EFR3A: variants seen among roughly 807,000 people sequenced by gnomAD.
The protein encoded by EFR3A is EFR3 homolog A.
Under a neutral mutation model 104.4 loss-of-function variants are expected in EFR3A, and 76 were observed. The ratio of observed to expected loss-of-function variants is 0.73; its 90% CI spans 0.60 to 0.88. The LOEUF (loss-of-function observed/expected upper bound fraction) is 0.88, where lower values mean the gene tolerates loss of function less well. Among genes scored for constraint, EFR3A ranks in the 40% least tolerant of loss-of-function variants. The pLI is 0.00. For synonymous variants in EFR3A, 330 were observed against 330.0 expected, an observed-to-expected ratio of 1.00 and a Z score of 0.00; for missense variants, 985 against 1,012.5, an observed-to-expected ratio of 0.97 and a Z score of 0.37.
At chr8:131,989,138 T>C (rs1325183303) in intron 18 of EFR3A, among the ~76,000 whole-genome samples, 1 of 152,216 alleles carries the variant, frequency 6.6e-6, no homozygotes, top group Non-Finnish European at 1.5e-5. Flanking sequence ...TAGATTTTTC[T>C]GATTTGTGAA....
intron 1 of EFR3A, among the ~76,000 whole-genome samples, chr8:131,935,885 C>G (rs1287425812): frequency 2.0e-5 from 3 of 151,034 alleles, no homozygotes; most frequent in Non-Finnish European, 4.4e-5. Flanking sequence ...TTTAATGATC[C>G]AAGTCCCCAA....
intron 4 of EFR3A, among the ~76,000 whole-genome samples, chr8:131,947,610 A>G (rs1353429749): frequency 1.3e-4 from 20 of 151,808 alleles, no homozygotes; most frequent in African/African-American, 4.8e-4. Context: ...TTCATATCTA[A>G]GAAACTATTG....
chr8:132,010,955 G>T lies in EFR3A; in HGVS notation c.*60G>T. Reference sequence around the variant, plus strand: ...AGCCTAAAAATTAAGGCCAAGCTGAGCTTTCAGGGTTTACTTAATGTGTAT... The same window carrying T: ...AGCCTAAAAATTAAGGCCAAGCTGATCTTTCAGGGTTTACTTAATGTGTAT... On this transcript the variant is annotated 3_prime_UTR_variant, in exon 23 of 23. Coordinates refer to ENST00000254624, the MANE Select transcript of EFR3A (RefSeq NM_015137.6). 1 of 1,497,442 alleles carries T rather than the reference G, an allele frequency of 6.7e-7. No individual in the cohort carries two copies. 92.8% of individuals were successfully genotyped at this position (1,497,442 alleles called of 1,614,324 possible). A position where few individuals can be genotyped will look rare whatever the true frequency, so the allele number is the denominator to read the frequency against.
At chr8:131,964,431 GACAA>G (rs752039819) in intron 8 of EFR3A, among the ~76,000 whole-genome samples, 3 of 151,666 alleles carry the variant, frequency 2.0e-5, no homozygotes, top group Non-Finnish European at 2.9e-5. Flanking sequence ...ACCAATAACA[GACAA>G]ACAGAGAGCC....
Position 131,955,770 on chromosome 8 carries a change from G to A in EFR3A, c.641G>A (p.Arg214His), listed in dbSNP as rs146871009. 1.1e-4 allele frequency: 180 copies of A among 1,609,034 alleles called. No homozygotes were observed. In the Admixed American group the frequency reaches 2.7e-3, roughly 24 times the overall value. ...CTTTATTTCTCGTTCCTTTTTAGTCGCATAGGCCCTCCTTCTTCTCCTTCT... is the reference window on the plus strand; with the variant it reads ...CTTTATTTCTCGTTCCTTTTTAGTCACATAGGCCCTCCTTCTTCTCCTTCT... Reference protein sequence around the residue: ...NMQKIEEVDSRIGPPSSPSAT... With the variant: ...NMQKIEEVDSHIGPPSSPSAT... The change falls in exon 7 of 23, where the codon CGC (arginine) becomes CAC (histidine). Residue 214 changes from arginine (R) to histidine (H), a missense_variant and splice_region_variant. Physicochemically the swap from Arg to His is conservative, Grantham distance 29. Transcript: ENST00000254624.
intron 4 of EFR3A, among the ~76,000 whole-genome samples, chr8:131,948,130 A>T (rs1436039592): frequency 6.6e-6 from 1 of 152,102 alleles, no homozygotes; most frequent in Admixed American, 6.6e-5. Context: ...TTAATAAAAA[A>T]AATCATATAT....
chr8:131,973,141 C>T (rs1820159800), intron 10 of EFR3A, among the ~76,000 whole-genome samples: 1 of 150,600 alleles, frequency 6.6e-6, no homozygotes, highest in Non-Finnish European at 1.5e-5. Context: ...ACAAAGTAGG[C>T]ACTTAAGATT....
chr8:132,000,351 A>G (rs1821727523), intron 19 of EFR3A, among the ~76,000 whole-genome samples: 1 of 152,034 alleles, frequency 6.6e-6, no homozygotes, highest in East Asian at 1.9e-4. Context: ...GATGGTCTCG[A>G]TCTCCTGACC....
At chr8:131,982,237 C>G (rs1253691126) in intron 14 of EFR3A, among the ~76,000 whole-genome samples, 1 of 151,858 alleles carries the variant, frequency 6.6e-6, no homozygotes, top group Non-Finnish European at 1.5e-5. Flanking sequence ...TTTAGTTTTG[C>G]CAGTTTTTGT....
At chr8:131,958,578 G>A (rs771550626) in intron 7 of EFR3A, among the ~76,000 whole-genome samples, 1 of 95,286 alleles carries the variant, frequency 1.0e-5, no homozygotes, top group African/African-American at 4.4e-5. Context: ...ATTCAAGAGG[G>A]ATTTCAGGTC....
intron 16 of EFR3A, 84 bp downstream of exon 16, chr8:131,985,144 G>A (rs1270950165): frequency 1.5e-6 from 2 of 1,341,058 alleles, no homozygotes; most frequent in Non-Finnish European, 2.1e-6. Flanking sequence ...TTTAACTTTG[G>A]TGATTACGTA....
intron 4 of EFR3A, among the ~76,000 whole-genome samples, chr8:131,946,933 GTTTCA>G (rs1233491321): frequency 3.3e-5 from 5 of 152,034 alleles, no homozygotes; most frequent in African/African-American, 1.2e-4. Context: ...TTCCTTTTGA[GTTTCA>G]TGCCTTTTCA....
chr8:132,003,279 C>A lies in EFR3A; in HGVS notation c.2354C>A (p.Thr785Asn), dbSNP rs1238307013. Residue 785 changes from threonine (T) to asparagine (N), a missense_variant, in exon 22 of 23, where the codon ACC becomes AAC. By Grantham distance (65) the Thr-to-Asn change is moderately conservative. Transcript: ENST00000254624. ...HDRLAQILEL[T>N]IRPPPSPSGT... ...AGACTTGCCCAAATATTGGAACTCA[C>A]CATACGGTAAGGGTTTTGTTATCAC... is the stretch of plus-strand genomic sequence containing the variant. The A allele has an allele frequency of 6.2e-7, 1 of 1,612,296 alleles. No homozygotes were observed. The highest frequency in any genetic ancestry group is 8.5e-7 in the Non-Finnish European group (1 of 1,179,092).
At chr8:131,967,504 A>G (rs887852383) in intron 8 of EFR3A, among the ~76,000 whole-genome samples, 1 of 151,806 alleles carries the variant, frequency 6.6e-6, no homozygotes, top group African/African-American at 2.4e-5. Context: ...TTGGTGGATG[A>G]TAGTAGACCG....
intron 1 of EFR3A, among the ~76,000 whole-genome samples, chr8:131,913,752 C>T (rs1318666742): frequency 1.3e-5 from 2 of 152,066 alleles, no homozygotes; most frequent in African/African-American, 4.8e-5. Flanking sequence ...ACCAAGTTCC[C>T]TTGATGTGGT....
rs373847063 is a variant in EFR3A, at chr8:132,003,306, A to G, written c.2360+21A>G. On this transcript the variant is annotated intron_variant, in intron 22 of 22. Coordinates refer to ENST00000254624, the MANE Select transcript of EFR3A (RefSeq NM_015137.6). ...ATACGGTAAGGGTTTTGTTATCACA[A>G]TAGCAATAACACACACACACGAATA... is the stretch of plus-strand genomic sequence containing the variant. 9.3e-6 allele frequency: 15 copies of G among 1,607,366 alleles called. No individual in the cohort carries two copies. The Middle Eastern group carries it at 5.0e-4, about 53-fold the overall frequency.
At position 132,003,350 on chromosome 8, in the gene EFR3A, T is replaced by C. The variant is rs1586680676; in HGVS notation, c.2360+65T>C. On this transcript the variant is annotated intron_variant, in intron 22 of 22. Transcript: ENST00000254624. ...ACGAATAGAAACTGACAGACCCCTA[T>C]GAATTTGTGGTTCATTATGTTTAAG... is the stretch of plus-strand genomic sequence containing the variant. The C allele has an allele frequency of 2.8e-6, 4 of 1,418,668 alleles. No individual in the cohort carries two copies. The East Asian group carries it at 9.2e-5, about 33-fold the overall frequency. The allele number at this position is 1,418,668 out of a possible 1,614,324, so 87.9% of individuals were successfully genotyped here.
At chr8:132,007,025 T>TA (rs1563713217) in intron 22 of EFR3A, among the ~76,000 whole-genome samples, 2 of 151,930 alleles carry the variant, frequency 1.3e-5, no homozygotes, top group African/African-American at 4.8e-5. Flanking sequence ...AGAGTAATTA[T>TA]AAAAAAATCT....
intron 1 of EFR3A, among the ~76,000 whole-genome samples, chr8:131,923,430 TTTC>T (rs1817148306): frequency 6.6e-6 from 1 of 152,104 alleles, no homozygotes; most frequent in African/African-American, 2.4e-5. Context: ...GTACTCATTC[TTTC>T]TAATGTGTTC....
Sources: gnomAD v4.1 joint callset for allele counts (sites outside exome capture counted in the v4.1 genomes callset) on GRCh38, gnomAD v4.1.1 for gene constraint, MANE v1.5 for transcripts, NCBI Gene and HGNC (gene_info 2026-07-23, HGNC 2026-07-21) for gene names.